Variants in KLHL32 observed in about 807,000 individuals in gnomAD.
KLHL32 encodes kelch like family member 32.
Under a neutral mutation model 64.8 loss-of-function variants are expected in KLHL32, and 35 were observed. The observed-to-expected ratio is 0.54, with a 90% confidence interval of 0.41 to 0.72. KLHL32 has a LOEUF of 0.72. KLHL32 is among the 30% of genes least tolerant of loss of function. The probability of loss-of-function intolerance (pLI) is 0.00; values close to 1 mark genes in which losing one functional copy is unlikely to be tolerated. For synonymous variants in KLHL32, 259 were observed against 281.0 expected (o/e 0.92, Z 0.78); for missense variants, 589 against 768.5 (o/e 0.77, Z 2.76).
In KLHL32 at chr6:96,987,754, G is replaced by C. The variant is rs541899681; in HGVS notation, c.204+11577G>C. On this transcript the variant is annotated intron_variant, in intron 3 of 10. Transcript: ENST00000369261. Reference sequence around the variant, plus strand: ...AGCAAGGTACTGGTACCAAAACAGAGATATAGACCAATGGAACAGAACAGA... The same window carrying C: ...AGCAAGGTACTGGTACCAAAACAGACATATAGACCAATGGAACAGAACAGA... Among the ~76,000 whole-genome samples the C allele has an allele frequency of 2.0e-3, 303 of 152,264 alleles. 2 individuals carry two copies. Among genetic ancestry groups the C allele is most frequent in the African/African-American group, 7.1e-3 (295 of 41,544 alleles).
intron 1 of KLHL32, among the ~76,000 whole-genome samples, chr6:96,953,924 A>C (rs1352231009): frequency 6.6e-6 from 1 of 151,332 alleles, no homozygotes; most frequent in African/African-American, 2.4e-5. Flanking sequence ...CTCTAGCTGT[A>C]AATTGATAGA....
chr6:97,044,254 GGTT>G (rs1185272014), intron 4 of KLHL32, among the ~76,000 whole-genome samples: 1 of 151,896 alleles, frequency 6.6e-6, no homozygotes, highest in Admixed American at 6.6e-5. Flanking sequence ...ATGATCGTAT[GGTT>G]GTTATCTGTC....
At position 97,020,784 on chromosome 6, in the gene KLHL32, A is replaced by G. The variant is rs537479690; in HGVS notation, c.205-20708A>G. On this transcript the variant is annotated intron_variant, in intron 3 of 10. Coordinates refer to ENST00000369261, the MANE Select transcript of KLHL32 (RefSeq NM_052904.4). ...TTTTCTTCACTTGACTTTGTTCCAC[A>G]TTCTCCAGGTTTTCCTCCCACTTGC... Among the ~76,000 whole-genome samples, 5 of 150,900 alleles carry G rather than the reference A, an allele frequency of 3.3e-5. No homozygotes were observed. The South Asian group carries it at 6.2e-4, about 19-fold the overall frequency.
In KLHL32 at chr6:97,130,928, T is replaced by C; in HGVS notation, c.1585T>C (p.Cys529Arg). The C allele has an allele frequency of 6.2e-7, 1 of 1,612,036 alleles. No homozygotes were observed. The highest frequency in any genetic ancestry group is 1.1e-5 in the South Asian group (1 of 90,426). Residue 529 changes from cysteine to arginine, a missense_variant, in exon 9 of 11, where the codon TGT becomes CGT. By Grantham distance (180) the Cys-to-Arg change is radical. Coordinates refer to ENST00000369261, the MANE Select transcript of KLHL32 (RefSeq NM_052904.4). ...YNIDTDQWTR[C>R]NFNLLTGQNE... ...CATAGACACTGACCAGTGGACACGTTGTAATTTCAACCTGCTGACTGGCAA... is the reference window on the plus strand; with the variant it reads ...CATAGACACTGACCAGTGGACACGTCGTAATTTCAACCTGCTGACTGGCAA...
chr6:97,060,503 G>C (rs186833718), intron 4 of KLHL32, among the ~76,000 whole-genome samples: 1 of 152,136 alleles, frequency 6.6e-6, no homozygotes, highest in African/African-American at 2.4e-5. Context: ...CACTGACTGA[G>C]GTGGCCCACG....
At chr6:96,929,232 G>A (rs772086639) in intron 1 of KLHL32, among the ~76,000 whole-genome samples, 1 of 152,202 alleles carries the variant, frequency 6.6e-6, no homozygotes, top group Non-Finnish European at 1.5e-5. Flanking sequence ...TTACTTTAAA[G>A]TTGGAGGGAT....
At chr6:97,043,727 G>T (rs891917754) in intron 4 of KLHL32, among the ~76,000 whole-genome samples, 1 of 146,186 alleles carries the variant, frequency 6.8e-6, no homozygotes, top group Non-Finnish European at 1.5e-5. Flanking sequence ...ACTTGTTATC[G>T]ATTGTCTTTT....
chr6:97,015,535 C>T (rs9398289), intron 3 of KLHL32, among the ~76,000 whole-genome samples: 1 of 152,110 alleles, frequency 6.6e-6, no homozygotes, highest in Non-Finnish European at 1.5e-5. Context: ...TTTGCCCCTG[C>T]CCTAGAGACC....
chr6:96,967,707 A>T (rs574786746), intron 2 of KLHL32, among the ~76,000 whole-genome samples: 17 of 152,362 alleles, frequency 1.1e-4, no homozygotes, highest in African/African-American at 3.8e-4. Context: ...TGTATATTCT[A>T]TGGCGAAAAC....
chr6:97,048,033 A>G (rs1786203141), intron 4 of KLHL32, among the ~76,000 whole-genome samples: 1 of 152,204 alleles, frequency 6.6e-6, no homozygotes, highest in East Asian at 1.9e-4. Context: ...TGTGATAAAT[A>G]CCTTACATGT....
intron 3 of KLHL32, among the ~76,000 whole-genome samples, chr6:97,006,594 C>CAATATACTTAA (rs1239525155): frequency 6.6e-6 from 1 of 151,796 alleles, no homozygotes; most frequent in African/African-American, 2.4e-5. Flanking sequence ...TGTAGTTGCT[C>CAATATACTTAA]TATATACTTA....
At chr6:97,048,334 G>A (rs1305100535) in intron 4 of KLHL32, among the ~76,000 whole-genome samples, 2 of 152,082 alleles carry the variant, frequency 1.3e-5, no homozygotes, top group Non-Finnish European at 2.9e-5. Flanking sequence ...CCAGCCCTTG[G>A]CTTCTGAAAA....
the KLHL32 span, among the ~76,000 whole-genome samples, chr6:96,909,062 G>A: frequency 2.0e-5 from 3 of 152,222 alleles, no homozygotes; most frequent in South Asian, 4.2e-4. Flanking sequence ...AGCAGCAGAA[G>A]GGCTAAGATG....
At chr6:97,056,222 C>T (rs1787892179) in intron 4 of KLHL32, among the ~76,000 whole-genome samples, 1 of 150,982 alleles carries the variant, frequency 6.6e-6, no homozygotes, top group Non-Finnish European at 1.5e-5. Flanking sequence ...TCTCCTGCCT[C>T]AGCCTCCCTA....
chr6:97,039,506 T>C (rs769300175), intron 3 of KLHL32, among the ~76,000 whole-genome samples: 6 of 145,594 alleles, frequency 4.1e-5, no homozygotes, highest in Non-Finnish European at 7.5e-5. Flanking sequence ...TAGTTTACAG[T>C]AATCTATTGT....
intron 4 of KLHL32, among the ~76,000 whole-genome samples, chr6:97,042,752 G>A (rs968567357): frequency 1.1e-4 from 17 of 152,078 alleles, no homozygotes; most frequent in Admixed American, 9.2e-4. Context: ...CTGTCTAACT[G>A]AAACTATATA....
chr6:96,957,879 C>T (rs1019658626), intron 1 of KLHL32, among the ~76,000 whole-genome samples: 1 of 152,138 alleles, frequency 6.6e-6, no homozygotes, highest in Non-Finnish European at 1.5e-5. Context: ...GAATGAATTT[C>T]GTAATACAAA....
chr6:97,050,395 G>A (rs1381382311), intron 4 of KLHL32, among the ~76,000 whole-genome samples: 1 of 152,124 alleles, frequency 6.6e-6, no homozygotes, highest in East Asian at 1.9e-4. Context: ...TGACTCCTAA[G>A]CAGGTGCAAA....
intron 5 of KLHL32, among the ~76,000 whole-genome samples, chr6:97,068,926 T>C (rs1161717595): frequency 6.6e-6 from 1 of 152,168 alleles, no homozygotes; most frequent in East Asian, 1.9e-4. Context: ...CACTTTTATG[T>C]GAAAGACGTG....
Sources: allele counts gnomAD v4.1 joint callset (sites outside exome capture counted in the v4.1 genomes callset), GRCh38; gene constraint gnomAD v4.1.1; transcripts MANE v1.5; gene names NCBI Gene and HGNC (gene_info 2026-07-23, HGNC 2026-07-21).